Variants in MACF1 observed in about 807,000 individuals in gnomAD.
MACF1 encodes microtubule actin crosslinking factor 1.
In MACF1, 193 loss-of-function variants were observed where a neutral mutation model predicts 854.8. That is an observed-to-expected ratio of 0.23 (90% CI 0.20 to 0.25). The LOEUF is 0.25. MACF1 is among the 10% of genes least tolerant of loss of function. MACF1 has a pLI of 1.00. For missense variants in MACF1, 7,722 were observed against 8,929.1 expected (o/e 0.86, Z 5.45); for synonymous variants, 3,185 against 3,226.7 (o/e 0.99, Z 0.44).
At chr1:39,192,437 A>G (rs372920265) in intron 2 of MACF1, among the ~76,000 whole-genome samples, 2 of 152,264 alleles carry the variant, frequency 1.3e-5, no homozygotes, top group East Asian at 3.9e-4. Context: ...ATAAATACTG[A>G]CGATCCTGTT....
chr1:39,319,439 G>T (rs1319871387), intron 30 of MACF1, among the ~76,000 whole-genome samples: 1 of 152,076 alleles, frequency 6.6e-6, no homozygotes, highest in Non-Finnish European at 1.5e-5. Flanking sequence ...GCGAGAACTT[G>T]TTTCTACAAA....
In MACF1 at chr1:39,332,263, C is replaced by T; in HGVS notation, c.5675C>T (p.Pro1892Leu). The T allele has an allele frequency of 6.2e-7, 1 of 1,613,746 alleles. No homozygotes were observed. Among genetic ancestry groups the T allele is most frequent in the African/African-American group, 1.3e-5 (1 of 74,970 alleles). The change falls in exon 37 of 101, where the codon CCA (proline) becomes CTA (leucine). Residue 1892 changes from proline (P) to leucine (L), a missense_variant. Transcript: ENST00000564288. ...NRQHIKALFL[P>L]ATTEILSWKK... ...CAGCATATTAAGGCTCTGTTTCTACCAGCAACCACAGAGATTTTGTCCTGG... is the reference window on the plus strand; with the variant it reads ...CAGCATATTAAGGCTCTGTTTCTACTAGCAACCACAGAGATTTTGTCCTGG...
chr1:39,354,629 T>C (rs887126442), intron 44 of MACF1, among the ~76,000 whole-genome samples: 1 of 152,148 alleles, frequency 6.6e-6, no homozygotes, highest in Non-Finnish European at 1.5e-5. Flanking sequence ...GGTCTCAAAC[T>C]CCTGACCTCG....
chr1:39,197,790 C>T (rs1644338821), intron 2 of MACF1, among the ~76,000 whole-genome samples: 1 of 152,082 alleles, frequency 6.6e-6, no homozygotes, highest in Non-Finnish European at 1.5e-5. Context: ...GGAGGCTAAA[C>T]CAGGAGGATT....
intron 80 of MACF1, among the ~76,000 whole-genome samples, chr1:39,447,055 T>C (rs539582388): frequency 6.6e-6 from 1 of 152,272 alleles, no homozygotes; most frequent in East Asian, 1.9e-4. Flanking sequence ...AAAAAGTACA[T>C]TAAAGGAAAC....
chr1:39,444,335 C>CA (rs917074995), intron 79 of MACF1, among the ~76,000 whole-genome samples: 26 of 133,482 alleles, frequency 1.9e-4, no homozygotes, highest in African/African-American at 2.8e-4. Flanking sequence ...GACTCCATCT[C>CA]AAAAAAAAAA....
chr1:39,269,793 T>C (rs1180063370), intron 6 of MACF1: 7 of 1,177,178 alleles, frequency 5.9e-6, no homozygotes, highest in Non-Finnish European at 7.7e-6. Flanking sequence ...TAAAGCTGAG[T>C]GTGGTGAGCA....
chr1:39,285,888 A>G (rs2148387081), intron 14 of MACF1, 130 bp downstream of exon 14: 1 of 963,614 alleles, frequency 1.0e-6, no homozygotes, highest in East Asian at 2.5e-5. Context: ...CAATGGGGAT[A>G]CTACAGGTCT....
chr1:39,220,323 C>G (rs1039623630), intron 1 of MACF1, among the ~76,000 whole-genome samples: 1 of 151,432 alleles, frequency 6.6e-6, no homozygotes, highest in Non-Finnish European at 1.5e-5. Flanking sequence ...CAGGAGCGCA[C>G]CACCTTGCCT....
At chr1:39,128,698 CA>C (rs76492560) in intron 2 of MACF1, among the ~76,000 whole-genome samples, 223 of 136,226 alleles carry the variant, frequency 1.6e-3, no homozygotes, top group Middle Eastern at 3.7e-3. Flanking sequence ...GACTCCGTCT[CA>C]AAAAAAAAAA....
rs937271131 is a variant in MACF1, at chr1:39,210,918, T to TCTCC, written c.109+5803_109+5806dup. The stretch of plus-strand genomic sequence containing the variant: ...GTTTTGACTTAGTTGTTTTCCCCTC[T>TCTCC]CTCCCTCCCTCCCTCCCTCTCTCTT... On this transcript the variant is annotated intron_variant, in intron 1 of 100. Coordinates refer to ENST00000564288, the MANE Select transcript of MACF1 (RefSeq NM_001394062.1). Among the ~76,000 whole-genome samples, 113 of 151,638 alleles carry TCTCC rather than the reference T, an allele frequency of 7.5e-4. 3 individuals carry two copies. The highest frequency in any genetic ancestry group is 2.3e-3 in the South Asian group (11 of 4,786).
chr1:39,315,575 C>T lies in MACF1; in HGVS notation c.3333C>T (p.Asp1111=). 6.2e-7 allele frequency: 1 copy of T among 1,614,126 alleles called. No individual in the cohort carries two copies. The highest frequency in any genetic ancestry group is 8.5e-7 in the Non-Finnish European group (1 of 1,180,006). ...TGGATGCAGTTTCTATGAAATGTGA[C>T]AGCTTTCTCCATCAGTCTCCATCTA... is the stretch of plus-strand genomic sequence containing the variant. ...SDLDAVSMKC[D]SFLHQSPSSS... Residue 1111 remains aspartate, a synonymous_variant, in exon 27 of 101, where the codon GAC becomes GAT. Transcript: ENST00000564288.
Position 39,422,758 on chromosome 1 carries a change from A to C in MACF1, c.16007A>C (p.Glu5336Ala). The change falls in exon 60 of 101, where the codon GAA becomes GCA. Residue 5336 changes from glutamate to alanine, a missense_variant. Transcript: ENST00000564288. ...KVAQRIAQLQ[E>A]ALLHCGKFQD... ...GCACAAAGAATTGCACAGCTACAGG[A>C]AGCTTTGTTGCATTGTGGGAAGTTT... 6.2e-7 allele frequency: 1 copy of C among 1,614,218 alleles called. No individual in the cohort carries two copies. The highest frequency in any genetic ancestry group is 8.5e-7 in the Non-Finnish European group (1 of 1,180,032).
At chr1:39,259,303 T>C (rs7541085) in intron 6 of MACF1, among the ~76,000 whole-genome samples, 4,710 of 152,290 alleles carry the variant, frequency 0.031, 236 homozygotes, top group African/African-American at 0.11. Context: ...GACCGAGTTT[T>C]GCTCTTGGAT....
At chr1:39,463,383 G>A (rs1644595897) in intron 93 of MACF1, among the ~76,000 whole-genome samples, 1 of 151,726 alleles carries the variant, frequency 6.6e-6, no homozygotes, top group Admixed American at 6.6e-5. Flanking sequence ...CCAGCCACTT[G>A]GGGGGCTGAG....
intron 92 of MACF1, 61 bp from the exon 93 acceptor site, chr1:39,461,822 A>G (rs1271701312): frequency 6.0e-6 from 6 of 1,004,982 alleles, no homozygotes; most frequent in East Asian, 2.8e-5. Flanking sequence ...AAAAAAATCT[A>G]TAACCGCCAA....
At chr1:39,254,247 T>A (rs765972327) in intron 4 of MACF1, 51 bp from the exon 5 acceptor site, 1 of 1,440,908 alleles carries the variant, frequency 6.9e-7, no homozygotes, top group Admixed American at 1.7e-5. Flanking sequence ...AGGGTCTGTA[T>A]GGTTAAATTG....
At chr1:39,410,246 T>C in intron 58 of MACF1, 1 of 1,532,236 alleles carries the variant, frequency 6.5e-7, no homozygotes, top group Non-Finnish European at 8.8e-7. Flanking sequence ...AGATTGATGG[T>C]TCATCTTGAT....
At chr1:39,339,394 A>G (rs1008012326) in intron 38 of MACF1, among the ~76,000 whole-genome samples, 1 of 152,232 alleles carries the variant, frequency 6.6e-6, no homozygotes, top group African/African-American at 2.4e-5. Flanking sequence ...CACAGAAACC[A>G]AAGGAGGAGG....
Sources: allele counts gnomAD v4.1 joint callset (sites outside exome capture counted in the v4.1 genomes callset), GRCh38; gene constraint gnomAD v4.1.1; transcripts MANE v1.5; gene names NCBI Gene and HGNC (gene_info 2026-07-23, HGNC 2026-07-21).